The following ZNF480 variants were observed in gnomAD, a reference collection of about 807,000 sequenced individuals.
ZNF480 encodes the protein zinc finger protein 480.
A neutral mutation model predicts 14.4 loss-of-function variants in ZNF480; 15 were observed. The observed-to-expected ratio is 1.04, with a 90% CI of 0.70 to 1.60. The LOEUF (loss-of-function observed/expected upper bound fraction) is 1.60, where lower values mean the gene tolerates loss of function less well. Among genes scored for constraint, ZNF480 ranks in the 40% most tolerant of loss-of-function variants. ZNF480 has a pLI of 0.00. For synonymous variants in ZNF480, 218 were observed against 215.5 expected (o/e 1.01, Z -0.10); for missense variants, 593 against 629.7 (o/e 0.94, Z 0.62).
At chr19:52,301,802 A>G (rs1170828500) in intron 2 of ZNF480, 1 of 152,402 alleles carries the variant, frequency 6.6e-6, no homozygotes, top group Non-Finnish European at 1.5e-5. Context: ...TCAGTAATGT[A>G]TGCACAGAAG....
At chr19:52,308,912 G>A (rs1983130887) in intron 2 of ZNF480, among the ~76,000 whole-genome samples, 1 of 151,982 alleles carries the variant, frequency 6.6e-6, no homozygotes. Flanking sequence ...AACTCCAAAT[G>A]TACAGGTTAG....
At chr19:52,297,769 ACT>A (rs34222534) in intron 1 of ZNF480, 10,407 of 152,608 alleles carry the variant, frequency 0.068, 744 homozygotes, top group African/African-American at 0.18. Flanking sequence ...GAGGTGACTT[ACT>A]CTGTCTCTTG....
intron 4 of ZNF480, among the ~76,000 whole-genome samples, chr19:52,317,773 T>C (rs966845322): frequency 2.6e-5 from 4 of 152,238 alleles, no homozygotes; most frequent in East Asian, 1.9e-4. Context: ...CCATAGTGAC[T>C]GCACCATTTC....
chr19:52,314,616 CA>C (rs1319082554), intron 3 of ZNF480, among the ~76,000 whole-genome samples: 3 of 151,712 alleles, frequency 2.0e-5, no homozygotes, highest in Non-Finnish European at 4.4e-5. Context: ...CCAGCCTGGC[CA>C]ACATGGTGAA....
Position 52,325,438 on chromosome 19 carries a change from A to G in ZNF480, c.*2580A>G, listed in dbSNP as rs924906526. ...TTACTGGGTGTATACCTAAAGGAAT[A>G]TAATCATTCCACCATAAAGACAAAC... On this transcript the variant is annotated 3_prime_UTR_variant, in exon 5 of 5. Coordinates refer to ENST00000595962, the MANE Select transcript of ZNF480 (RefSeq NM_144684.4). The G allele has an allele frequency of 1.1e-4, 17 of 152,252 alleles. No individual in the cohort carries two copies. Among genetic ancestry groups the G allele is most frequent in the African/African-American group, 3.9e-4 (16 of 41,472 alleles). The allele number at this position is 152,252 out of a possible 1,614,324, so 9.4% of individuals were successfully genotyped here.
intron 2 of ZNF480, among the ~76,000 whole-genome samples, chr19:52,307,998 C>A (rs920063829): frequency 2.0e-5 from 3 of 152,210 alleles, no homozygotes; most frequent in Non-Finnish European, 2.9e-5. Context: ...CTGTTGCCAG[C>A]ACCGCAGTCC....
intron 1 of ZNF480, 108 bp downstream of exon 1, chr19:52,297,331 C>T (rs1337489967): frequency 2.6e-6 from 1 of 390,396 alleles, no homozygotes; most frequent in Non-Finnish European, 5.0e-6. Context: ...ACCGCTCCCT[C>T]TACCCCGACC....
intron 2 of ZNF480, among the ~76,000 whole-genome samples, chr19:52,312,551 C>T (rs1351095840): frequency 1.3e-5 from 2 of 152,072 alleles, no homozygotes; most frequent in Non-Finnish European, 2.9e-5. Flanking sequence ...TGATGCTGAT[C>T]TGTTCATTGT....
At chr19:52,309,644 G>A (rs1388199555) in intron 2 of ZNF480, among the ~76,000 whole-genome samples, 1 of 152,172 alleles carries the variant, frequency 6.6e-6, no homozygotes, top group Non-Finnish European at 1.5e-5. Flanking sequence ...TCTGGATGAT[G>A]GCATGTCATG....
intron 3 of ZNF480, among the ~76,000 whole-genome samples, 194 bp downstream of exon 3, chr19:52,314,473 CAAAAAAAAA>C (rs34349660): frequency 3.0e-5 from 2 of 66,208 alleles, no homozygotes; most frequent in African/African-American, 1.3e-4. Flanking sequence ...AACTCCGTCC[CAAAAAAAAA>C]AAAAAAAAAA....
intron 2 of ZNF480, among the ~76,000 whole-genome samples, chr19:52,303,856 C>T (rs1283238773): frequency 3.3e-5 from 5 of 152,112 alleles, no homozygotes; most frequent in Admixed American, 2.6e-4. Flanking sequence ...TCAATTGATC[C>T]TTATGGTTAC....
chr19:52,299,629 C>T (rs546443101), intron 1 of ZNF480, among the ~76,000 whole-genome samples: 20 of 152,214 alleles, frequency 1.3e-4, no homozygotes, highest in East Asian at 9.6e-4. Flanking sequence ...ATGACTAGCC[C>T]GATGGAAGAA....
At chr19:52,303,307 T>C (rs1168744129) in intron 2 of ZNF480, among the ~76,000 whole-genome samples, 1 of 152,228 alleles carries the variant, frequency 6.6e-6, no homozygotes, top group Non-Finnish European at 1.5e-5. Context: ...GTTTTAAAAA[T>C]TGAAATAATT....
Position 52,322,619 on chromosome 19 carries a change from T to C in ZNF480, c.1369T>C (p.Cys457Arg), listed in dbSNP as rs1316436925. Reference protein sequence around the residue: ...VIHTGEKPYKCSECGKAFRHK... With the variant: ...VIHTGEKPYKRSECGKAFRHK... ...CCACACTGGAGAGAAGCCTTACAAATGTAGTGAATGTGGCAAGGCATTCAG... is the reference window on the plus strand; with the variant it reads ...CCACACTGGAGAGAAGCCTTACAAACGTAGTGAATGTGGCAAGGCATTCAG... The change falls in exon 5 of 5, where the codon TGT (cysteine) becomes CGT (arginine). Residue 457 changes from cysteine to arginine, a missense_variant. Transcript: ENST00000595962. 6 of 1,614,114 alleles carry C rather than the reference T, an allele frequency of 3.7e-6. No homozygotes were observed. Among genetic ancestry groups the C allele is most frequent in the Non-Finnish European group, 5.1e-6 (6 of 1,180,010 alleles).
intron 4 of ZNF480, 55 bp downstream of exon 4, chr19:52,316,017 TG>T: frequency 1.3e-6 from 2 of 1,486,498 alleles, no homozygotes; most frequent in East Asian, 2.3e-5. Flanking sequence ...GCTTTTTTTT[TG>T]TTTTGTTTTG....
At chr19:52,321,193 T>C (rs1335042692) in intron 4 of ZNF480, among the ~76,000 whole-genome samples, 1 of 152,188 alleles carries the variant, frequency 6.6e-6, no homozygotes, top group African/African-American at 2.4e-5. Context: ...GTAAAGGGTG[T>C]GGGAACACTC....
chr19:52,300,624 G>A (rs1245269028), intron 2 of ZNF480, 140 bp downstream of exon 2: 40 of 1,457,436 alleles, frequency 2.7e-5, no homozygotes, highest in Admixed American at 2.3e-4. Context: ...CCTCAGTGCC[G>A]AGACCAGCTT....
intron 2 of ZNF480, among the ~76,000 whole-genome samples, chr19:52,311,862 A>G (rs906613820): frequency 3.3e-5 from 5 of 152,184 alleles, no homozygotes; most frequent in African/African-American, 7.2e-5. Context: ...GGTTATTGAC[A>G]GACAACTCCT....
chr19:52,317,835 C>T (rs1302596443), intron 4 of ZNF480, among the ~76,000 whole-genome samples: 1 of 152,160 alleles, frequency 6.6e-6, no homozygotes, highest in Non-Finnish European at 1.5e-5. Flanking sequence ...ATATTTTCGA[C>T]AACACTTGTG....
Sources: gnomAD v4.1 joint callset for allele counts (sites outside exome capture counted in the v4.1 genomes callset) on GRCh38, gnomAD v4.1.1 for gene constraint, MANE v1.5 for transcripts, NCBI Gene and HGNC (gene_info 2026-07-23, HGNC 2026-07-21) for gene names.